Variants in PAFAH1B3 observed in about 807,000 individuals in gnomAD.
The protein encoded by PAFAH1B3 is platelet activating factor acetylhydrolase 1b catalytic subunit 3, also known as platelet-activating factor acetylhydrolase IB subunit alpha1.
A neutral mutation model predicts 24.4 loss-of-function variants in PAFAH1B3; 15 were observed. The ratio of observed to expected loss-of-function variants is 0.62; its 90% CI spans 0.41 to 0.95. The LOEUF (loss-of-function observed/expected upper bound fraction) is 0.95, where lower values mean the gene tolerates loss of function less well. PAFAH1B3 is among the 40% of genes least tolerant of loss of function. The pLI, the probability that PAFAH1B3 is intolerant of heterozygous loss-of-function variation, is 0.00. For missense variants in PAFAH1B3, 266 were observed against 312.2 expected, an observed-to-expected ratio of 0.85 and a Z score of 1.12; for synonymous variants, 144 against 126.5, an observed-to-expected ratio of 1.14 and a Z score of -0.93.
In PAFAH1B3 at chr19:42,300,033, A is replaced by C. The variant is rs2038593293; in HGVS notation, c.345T>G (p.Gly115=). Residue 115 remains glycine, a synonymous_variant, in exon 4 of 5, where the codon GGT becomes GGG. Coordinates refer to ENST00000262890, the MANE Select transcript of PAFAH1B3 (RefSeq NM_002573.4). The part of the protein sequence containing the change: ...NHGHTAEQVT[G]GIKAIVQLVN... ...CCAGTTGCACAATGGCCTTGATGCCACCAGTCACCTGCTCTGCTGTGTGTC... is the reference window on the plus strand; with the variant it reads ...CCAGTTGCACAATGGCCTTGATGCCCCCAGTCACCTGCTCTGCTGTGTGTC... The C allele has an allele frequency of 2.5e-6, 4 of 1,614,088 alleles. No homozygotes were observed. The highest frequency in any genetic ancestry group is 3.4e-6 in the Non-Finnish European group (4 of 1,179,986).
rs749898006 is a variant in PAFAH1B3, at chr19:42,297,138, A to C, written c.636T>G (p.Leu212=). 6.2e-6 allele frequency: 10 copies of C among 1,613,014 alleles called. No individual in the cohort carries two copies. The African/African-American group carries it at 1.3e-4, about 22-fold the overall frequency. ...TPVCRALHSL[L]LRLLAQDQGQ... ...CCTGGTCTTGGGCCAGCAGACGCAG[A>C]AGCAGGGAGTGCAGAGCCCGGCAAA... Residue 212 remains leucine, a synonymous_variant, in exon 5 of 5, where the codon CTT becomes CTG. Coordinates refer to ENST00000262890, the MANE Select transcript of PAFAH1B3 (RefSeq NM_002573.4).
chr19:42,300,051 T>C lies in PAFAH1B3; in HGVS notation c.327A>G (p.Thr109=). The C allele has an allele frequency of 6.2e-7, 1 of 1,614,168 alleles. No homozygotes were observed. The highest frequency in any genetic ancestry group is 1.6e-4 in the Middle Eastern group (1 of 6,062). The change falls in exon 4 of 5, where the codon ACA becomes ACG. Residue 109 remains threonine, a synonymous_variant. Transcript: ENST00000262890. The part of the protein sequence containing the change: ...VWVGTNNHGH[T]AEQVTGGIKA... ...TGATGCCACCAGTCACCTGCTCTGC[T>C]GTGTGTCCGTGGTTGTTGGTGCCCA...
chr19:42,301,928 G>A, intron 2 of PAFAH1B3, 22 bp downstream of exon 2: 1 of 1,538,826 alleles, frequency 6.5e-7, no homozygotes, highest in Non-Finnish European at 8.8e-7. Context: ...GGATGGGGCA[G>A]GGGGAGAGGG....
chr19:42,297,153 A>G lies in PAFAH1B3; in HGVS notation c.621T>C (p.Ala207=), dbSNP rs1182251920. ...SRLGYTPVCR[A]LHSLLLRLLA... ...GCAGACGCAGAAGCAGGGAGTGCAG[A>G]GCCCGGCAAACAGGTGTGTAGCCCA... is the stretch of plus-strand genomic sequence containing the variant. The change falls in exon 5 of 5, where the codon GCT becomes GCC. Residue 207 remains alanine, a synonymous_variant. Coordinates refer to ENST00000262890, the MANE Select transcript of PAFAH1B3 (RefSeq NM_002573.4). 6.2e-7 allele frequency: 1 copy of G among 1,613,950 alleles called. No homozygotes were observed. Among genetic ancestry groups the G allele is most frequent in the East Asian group, 2.2e-5 (1 of 44,862 alleles).
Position 42,297,374 on chromosome 19 carries a change from G to A in PAFAH1B3, c.409-9C>T. ...CCTCGCGGAAGCAGGCCCTGAGCAG[G>A]AACACGAGGCGTAGTAAGGAAACAA... is the stretch of plus-strand genomic sequence containing the variant. On this transcript the variant is annotated splice_polypyrimidine_tract_variant and intron_variant, in intron 4 of 4. Transcript: ENST00000262890. 6.2e-7 allele frequency: 1 copy of A among 1,600,864 alleles called. No individual in the cohort carries two copies. The highest frequency in any genetic ancestry group is 8.6e-7 in the Non-Finnish European group (1 of 1,169,556).
Position 42,297,382 on chromosome 19 carries a change from G to A in PAFAH1B3, c.409-17C>T. ...AAGCAGGCCCTGAGCAGGAACACGA[G>A]GCGTAGTAAGGAAACAAGCATTTGA... On this transcript the variant is annotated splice_polypyrimidine_tract_variant and intron_variant, in intron 4 of 4. Transcript: ENST00000262890. 6.3e-7 allele frequency: 1 copy of A among 1,593,852 alleles called. No homozygotes were observed. The highest frequency in any genetic ancestry group is 1.1e-5 in the South Asian group (1 of 89,608).
At chr19:42,300,925 C>T (rs1032495082) in intron 2 of PAFAH1B3, among the ~76,000 whole-genome samples, 1 of 152,220 alleles carries the variant, frequency 6.6e-6, no homozygotes, top group Non-Finnish European at 1.5e-5. Context: ...GGCGATTCTC[C>T]TGCCTCAGCC....
chr19:42,298,102 T>G (rs2038565438), intron 4 of PAFAH1B3, among the ~76,000 whole-genome samples: 1 of 152,002 alleles, frequency 6.6e-6, no homozygotes, highest in Non-Finnish European at 1.5e-5. Context: ...GAGGCTGACG[T>G]GGGAGAATCA....
In PAFAH1B3 at chr19:42,297,183, G is replaced by C. The variant is rs1195812265; in HGVS notation, c.591C>G (p.Ser197Arg). 14 of 1,614,026 alleles carry C rather than the reference G, an allele frequency of 8.7e-6. No individual in the cohort carries two copies. Among genetic ancestry groups the C allele is most frequent in the Non-Finnish European group, 1.2e-5 (14 of 1,180,038 alleles). Residue 197 changes from serine to arginine, a missense_variant, in exon 5 of 5, where the codon AGC becomes AGG. Physicochemically the swap from Ser to Arg is moderately radical, Grantham distance 110. Transcript: ENST00000262890. Reference protein sequence around the residue: ...HHDMYDYLHLSRLGYTPVCRA... With the variant: ...HHDMYDYLHLRRLGYTPVCRA... ...GGCAAACAGGTGTGTAGCCCAGGCG[G>C]CTCAGATGCAGGTAATCATACATGT...
intron 4 of PAFAH1B3, 31 bp downstream of exon 4, chr19:42,299,939 T>C (rs942945623): frequency 1.2e-6 from 2 of 1,612,626 alleles, no homozygotes; most frequent in African/African-American, 2.7e-5. Context: ...ACCACTGCCA[T>C]TCTTCCTTTC....
chr19:42,297,077 C>T lies in PAFAH1B3; in HGVS notation c.*1G>A. On this transcript the variant is annotated 3_prime_UTR_variant, in exon 5 of 5. Coordinates refer to ENST00000262890, the MANE Select transcript of PAFAH1B3 (RefSeq NM_002573.4). Reference sequence around the variant, plus strand: ...AATGTTGTGGGAAGGCAGCAGGATGCTTAGGGTGCGGGCTCCAGCAGGGGA... The same window carrying T: ...AATGTTGTGGGAAGGCAGCAGGATGTTTAGGGTGCGGGCTCCAGCAGGGGA... 1.9e-6 allele frequency: 3 copies of T among 1,595,666 alleles called. No homozygotes were observed. Among genetic ancestry groups the T allele is most frequent in the African/African-American group, 1.3e-5 (1 of 74,746 alleles).
rs538098624 is a variant in PAFAH1B3, at chr19:42,300,444, G to A, written c.169-157C>T. Among the ~76,000 whole-genome samples the A allele has an allele frequency of 1.1e-4, 16 of 152,328 alleles. No homozygotes were observed. In the East Asian group the frequency reaches 2.9e-3, roughly 28 times the overall value. On this transcript the variant is annotated intron_variant, in intron 2 of 4. Transcript: ENST00000262890. ...AAAATTTTACCTGGAGCAAACTCCAGCATGGCTGAACCTCACTTTATAGAA... is the reference window on the plus strand; with the variant it reads ...AAAATTTTACCTGGAGCAAACTCCAACATGGCTGAACCTCACTTTATAGAA...
intron 2 of PAFAH1B3, 79 bp from the exon 3 acceptor site, chr19:42,300,366 A>ACGGGGGAT (rs1288423892): frequency 8.1e-7 from 1 of 1,236,528 alleles, no homozygotes; most frequent in Non-Finnish European, 1.2e-6. Flanking sequence ...CCCTCTGTCC[A>ACGGGGGAT]GGTGTTAACC....
Position 42,300,194 on chromosome 19 carries a change from C to A in PAFAH1B3, c.262G>T (p.Glu88Ter). ...QHVLWRLENG[E>*]LEHIRPKIVV... ...ACCTTGGGCCGGATGTGTTCCAGCTCCCCATTCTCCAGCCGCCACAGTACA... is the reference window on the plus strand; with the variant it reads ...ACCTTGGGCCGGATGTGTTCCAGCTACCCATTCTCCAGCCGCCACAGTACA... Residue 88 changes from glutamate to a stop codon, truncating the protein, a stop_gained, in exon 3 of 5, where the codon GAG (glutamate) becomes TAG (stop). Transcript: ENST00000262890. LOFTEE classifies it high-confidence loss of function. The A allele has an allele frequency of 6.2e-7, 1 of 1,614,222 alleles. No individual in the cohort carries two copies. Among genetic ancestry groups the A allele is most frequent in the Non-Finnish European group, 8.5e-7 (1 of 1,180,036 alleles).
At chr19:42,302,184 A>AC (rs776682968) in intron 1 of PAFAH1B3, 48 bp downstream of exon 1, 140 of 1,533,732 alleles carry the variant, frequency 9.1e-5, no homozygotes, top group Non-Finnish European at 1.1e-4. Context: ...CTCCTGAGCC[A>AC]CCCCCCGCGC....
At chr19:42,298,156 C>T (rs1484700023) in intron 4 of PAFAH1B3, among the ~76,000 whole-genome samples, 1 of 151,952 alleles carries the variant, frequency 6.6e-6, no homozygotes, top group Non-Finnish European at 1.5e-5. Flanking sequence ...GAGATCATGC[C>T]ACCGCACTCC....
At chr19:42,299,139 AG>A (rs1392703300) in intron 4 of PAFAH1B3, among the ~76,000 whole-genome samples, 2 of 124,680 alleles carry the variant, frequency 1.6e-5, no homozygotes, top group Non-Finnish European at 3.4e-5. Context: ...TTTTTGAGAC[AG>A]AGTTTCGCTC....
At chr19:42,298,695 G>A (rs556122291) in intron 4 of PAFAH1B3, among the ~76,000 whole-genome samples, 10 of 152,170 alleles carry the variant, frequency 6.6e-5, no homozygotes, top group Admixed American at 2.0e-4. Context: ...TCACCCGGGC[G>A]AGAGTGCAGT....
chr19:42,302,671 C>T (rs2038657544), upstream of PAFAH1B3: 1 of 290,708 alleles, frequency 3.4e-6, no homozygotes, highest in Non-Finnish European at 6.6e-6. Flanking sequence ...GAGAAACCAC[C>T]CACCGGTCAC....
Sources: allele counts gnomAD v4.1 joint callset (sites outside exome capture counted in the v4.1 genomes callset), GRCh38; gene constraint gnomAD v4.1.1; transcripts MANE v1.5; gene names NCBI Gene and HGNC (gene_info 2026-07-23, HGNC 2026-07-21).